C2orf72: variants seen among roughly 807,000 people sequenced by gnomAD.
C2orf72 encodes chromosome 2 open reading frame 72, also known as uncharacterized protein C2orf72.
C2orf72 carries 16 observed loss-of-function variants against 14.4 expected under a neutral mutation model. The observed-to-expected ratio is 1.11, with a 90% CI of 0.75 to 1.69. The LOEUF (loss-of-function observed/expected upper bound fraction) is 1.69. Ranked by LOEUF, C2orf72 falls within the 40% of genes most tolerant of loss-of-function variation. The pLI is 0.00. For synonymous variants in C2orf72, 168 were observed against 176.8 expected, an observed-to-expected ratio of 0.95 and a Z score of 0.40; for missense variants, 371 against 358.3, an observed-to-expected ratio of 1.04 and a Z score of -0.29.
intron 1 of C2orf72, 68 bp from the exon 2 acceptor site, chr2:231,041,228 C>T (rs1693335842): frequency 1.7e-6 from 2 of 1,148,722 alleles, no homozygotes; most frequent in Non-Finnish European, 2.4e-6. Context: ...ATTTGCTAAA[C>T]GAAATCTCTC....
chr2:231,041,295 G>A lies in C2orf72; in HGVS notation c.635-1G>A, dbSNP rs980968868. On this transcript the variant is annotated splice_acceptor_variant, in intron 1 of 2. Transcript: ENST00000373640. LOFTEE classifies it high-confidence loss of function. Reference sequence around the variant, plus strand: ...TGACTCAGGTTTTGTGTTCTTCCTAGTGGAAGGAGCCTGGGAGAGGCCAGG... The same window carrying A: ...TGACTCAGGTTTTGTGTTCTTCCTAATGGAAGGAGCCTGGGAGAGGCCAGG... 1.0e-5 allele frequency: 16 copies of A among 1,547,846 alleles called. No individual in the cohort carries two copies. The highest frequency in any genetic ancestry group is 1.7e-4 in the Middle Eastern group (1 of 5,996).
chr2:231,045,276 T>G (rs547753380), intron 2 of C2orf72, among the ~76,000 whole-genome samples: 1 of 151,264 alleles, frequency 6.6e-6, no homozygotes, highest in South Asian at 2.1e-4. Context: ...AAAATAATAA[T>G]AATTTTATAT....
Position 231,047,042 on chromosome 2 carries a change from C to A in C2orf72, c.*21C>A, listed in dbSNP as rs1180773022. On this transcript the variant is annotated 3_prime_UTR_variant, in exon 3 of 3. Transcript: ENST00000373640. ...GATGAAGGCTGGACCCTTGCGCTGT[C>A]CCTGGCTCTAACCTACAGACTGGGG... 4 of 1,551,504 alleles carry A rather than the reference C, an allele frequency of 2.6e-6. No homozygotes were observed. The highest frequency in any genetic ancestry group is 3.5e-6 in the Non-Finnish European group (4 of 1,146,968).
At chr2:231,038,474 A>G (rs946963435) in intron 1 of C2orf72, among the ~76,000 whole-genome samples, 13 of 134,300 alleles carry the variant, frequency 9.7e-5, no homozygotes, top group African/African-American at 3.6e-4. Flanking sequence ...GGGTAGAGAG[A>G]AGGGATGAAT....
rs2125134974 is a variant in C2orf72, at chr2:231,037,649, G to C, written c.84G>C (p.Gly28=). 4 of 1,120,934 alleles carry C rather than the reference G, an allele frequency of 3.6e-6. No homozygotes were observed. The highest frequency in any genetic ancestry group is 1.4e-4 in the East Asian group (2 of 14,786). 69.4% of individuals were successfully genotyped at this position (1,120,934 alleles called of 1,614,324 possible). ...PPFQALVEAA[G]GRGQVLLVGE... is the part of the protein sequence containing the mutation. ...TCCAGGCGTTGGTGGAAGCGGCGGG[G>C]GGCCGCGGGCAGGTGCTGCTGGTGG... Residue 28 remains glycine, a synonymous_variant, in exon 1 of 3, where the codon GGG becomes GGC. Transcript: ENST00000373640.
chr2:231,041,299 A>C lies in C2orf72; in HGVS notation c.638A>C (p.Glu213Ala). Residue 213 changes from glutamate (E) to alanine (A), a missense_variant, in exon 2 of 3, where the codon GAA becomes GCA. By Grantham distance (107) the Glu-to-Ala change is moderately radical (BLOSUM62 -1). Around this residue, in one of 3 missense-constraint regions of C2orf72, gnomAD observed 145 missense variants for 149.4 expected, o/e 0.97. Transcript: ENST00000373640. Reference protein sequence around the residue: ...LQAAGAGQPVEGAWERPGLPG... With the variant: ...LQAAGAGQPVAGAWERPGLPG... ...TCAGGTTTTGTGTTCTTCCTAGTGGAAGGAGCCTGGGAGAGGCCAGGCCTC... is the reference window on the plus strand; with the variant it reads ...TCAGGTTTTGTGTTCTTCCTAGTGGCAGGAGCCTGGGAGAGGCCAGGCCTC... The C allele has an allele frequency of 1.9e-6, 3 of 1,548,908 alleles. No individual in the cohort carries two copies. The highest frequency in any genetic ancestry group is 2.6e-6 in the Non-Finnish European group (3 of 1,145,412).
chr2:231,047,134 C>A lies in C2orf72; in HGVS notation c.*113C>A, dbSNP rs997729327. ...GCAGAAACCCCCGCCTGCTGGAGGC[C>A]TGCCACACTCACAGTTACCAGCTAG... On this transcript the variant is annotated 3_prime_UTR_variant, in exon 3 of 3. Transcript: ENST00000373640. 3.9e-6 allele frequency: 5 copies of A among 1,285,362 alleles called. No individual in the cohort carries two copies. The highest frequency in any genetic ancestry group is 5.5e-6 in the Non-Finnish European group (5 of 909,594). 79.6% of individuals were successfully genotyped at this position (1,285,362 alleles called of 1,614,324 possible).
At position 231,046,822 on chromosome 2, in the gene C2orf72, T is replaced by C. The variant is rs1347898236; in HGVS notation, c.749-60T>C. 3 of 1,488,122 alleles carry C rather than the reference T, an allele frequency of 2.0e-6. No individual in the cohort carries two copies. The East Asian group carries it at 7.4e-5, about 37-fold the overall frequency. The allele number at this position is 1,488,122 out of a possible 1,614,324, so 92.2% of individuals were successfully genotyped here. ...GGGACAACTTTCTCCTTTTCCTTCC[T>C]AGATAACTCACTCACAACCTTTCTC... is the stretch of plus-strand genomic sequence containing the variant. On this transcript the variant is annotated intron_variant, in intron 2 of 2. Transcript: ENST00000373640.
At chr2:231,038,373 G>T (rs1693289912) in intron 1 of C2orf72, among the ~76,000 whole-genome samples, 174 bp downstream of exon 1, 2 of 152,214 alleles carry the variant, frequency 1.3e-5, no homozygotes, top group African/African-American at 4.8e-5. Flanking sequence ...GTGCGTAGCG[G>T]ATCGAGTCTG....
At chr2:231,040,636 C>T (rs1007963447) in intron 1 of C2orf72, among the ~76,000 whole-genome samples, 4 of 152,152 alleles carry the variant, frequency 2.6e-5, no homozygotes, top group African/African-American at 9.7e-5. Context: ...TAAAGTTTTC[C>T]AATTTCTTTC....
In C2orf72 at chr2:231,048,857, T is replaced by G. The variant is rs1693453944; in HGVS notation, c.*1836T>G. The G allele has an allele frequency of 6.6e-6, 1 of 152,272 alleles. No homozygotes were observed. The highest frequency in any genetic ancestry group is 2.4e-5 in the African/African-American group (1 of 41,470). The allele number at this position is 152,272 out of a possible 1,614,324, so 9.4% of individuals were successfully genotyped here. A position where few individuals can be genotyped will look rare whatever the true frequency, so the allele number is the denominator to read the frequency against. On this transcript the variant is annotated 3_prime_UTR_variant, in exon 3 of 3. Transcript: ENST00000373640. ...TTTTGTTTTAAAACAGGGAGACTGG[T>G]ATTTTTGAAGCTGCTATCATTTTCT... is the stretch of plus-strand genomic sequence containing the variant.
Position 231,037,870 on chromosome 2 carries a change from T to A in C2orf72, c.305T>A (p.Ile102Asn). The A allele has an allele frequency of 5.1e-6, 5 of 976,780 alleles. No individual in the cohort carries two copies. Among genetic ancestry groups the A allele is most frequent in the Non-Finnish European group, 6.0e-6 (5 of 827,236 alleles). 60.5% of individuals were successfully genotyped at this position (976,780 alleles called of 1,614,324 possible). A position where few individuals can be genotyped will look rare whatever the true frequency, so the allele number is the denominator to read the frequency against. The change falls in exon 1 of 3, where the codon ATC becomes AAC. Residue 102 changes from isoleucine to asparagine, a missense_variant. By Grantham distance (149) the Ile-to-Asn change is moderately radical. Coordinates refer to ENST00000373640, the MANE Select transcript of C2orf72 (RefSeq NM_001144994.2). Reference sequence around the variant, plus strand: ...GCGGCGGCGGCGGCGGCGCGCGCCATCCGCTCGCCGCTGGTCTTCGTGCTG... The same window carrying A: ...GCGGCGGCGGCGGCGGCGCGCGCCAACCGCTCGCCGCTGGTCTTCGTGCTG... ...AGAAAAAARAIRSPLVFVLCR... is the reference protein window; with the variant it reads ...AGAAAAAARANRSPLVFVLCR...
At chr2:231,045,267 AAAT>A (rs1425968108) in intron 2 of C2orf72, among the ~76,000 whole-genome samples, 5 of 151,546 alleles carry the variant, frequency 3.3e-5, no homozygotes, top group African/African-American at 4.8e-5. Context: ...CCATCTCAAA[AAAT>A]AATAATAATT....
chr2:231,046,291 AGTGTGTGTGTGTGTGTGTGTGTGTGTGT>A (rs34513584), intron 2 of C2orf72, among the ~76,000 whole-genome samples: 4 of 136,182 alleles, frequency 2.9e-5, no homozygotes, highest in Non-Finnish European at 6.4e-5. Context: ...ACTTCTATGC[AGTGTGTGTGTGTGTGTGTGTGTGTGTGT>A]GTGTGTGTGT....
chr2:231,041,714 C>A (rs936743936), intron 2 of C2orf72, among the ~76,000 whole-genome samples: 5 of 151,982 alleles, frequency 3.3e-5, no homozygotes, highest in African/African-American at 1.2e-4. Context: ...CCAAACACAG[C>A]AAGTCTCCCT....
chr2:231,041,181 C>G (rs1693335380), intron 1 of C2orf72, 115 bp from the exon 2 acceptor site: 7 of 695,002 alleles, frequency 1.0e-5, no homozygotes, highest in Non-Finnish European at 1.4e-5. Flanking sequence ...TTTAATCAGA[C>G]AGTTGAAACT....
intron 2 of C2orf72, among the ~76,000 whole-genome samples, chr2:231,045,770 G>T (rs1261162202): frequency 3.9e-5 from 6 of 152,098 alleles, no homozygotes; most frequent in African/African-American, 9.7e-5. Flanking sequence ...TGTCCGCCTT[G>T]ACCTCCCAAA....
intron 1 of C2orf72, among the ~76,000 whole-genome samples, chr2:231,040,250 C>G (rs1485022798): frequency 6.6e-6 from 1 of 152,192 alleles, no homozygotes; most frequent in African/African-American, 2.4e-5. Flanking sequence ...GAGCTCTTAC[C>G]ACATGATTTC....
intron 2 of C2orf72, among the ~76,000 whole-genome samples, chr2:231,044,006 C>T (rs1327414113): frequency 6.6e-6 from 1 of 152,206 alleles, no homozygotes; most frequent in African/African-American, 2.4e-5. Flanking sequence ...CAGCAGGTTA[C>T]TGTCCTGAAT....
Sources: gnomAD v4.1 joint callset for allele counts (sites outside exome capture counted in the v4.1 genomes callset) on GRCh38, gnomAD v4.1.1 for gene constraint, gnomAD v4.1.1 regional missense constraint, MANE v1.5 for transcripts, NCBI Gene and HGNC (gene_info 2026-07-23, HGNC 2026-07-21) for gene names.